DCBLD2: variants seen among roughly 807,000 people sequenced by gnomAD.
DCBLD2 encodes discoidin, CUB and LCCL domain containing 2, also known as discoidin, CUB and LCCL domain-containing protein 2.
Under a neutral mutation model 86.8 loss-of-function variants are expected in DCBLD2, and 54 were observed. The observed-to-expected ratio is 0.62, with a 90% CI of 0.50 to 0.78. The LOEUF is 0.78. DCBLD2 is among the 30% of genes least tolerant of loss of function. The probability of loss-of-function intolerance (pLI) is 0.00; values close to 1 mark genes in which losing one functional copy is unlikely to be tolerated. For missense variants in DCBLD2, 908 were observed against 954.2 expected, an observed-to-expected ratio of 0.95 and a Z score of 0.64; for synonymous variants, 354 against 341.3, an observed-to-expected ratio of 1.04 and a Z score of -0.41.
At chr3:98,834,154 TTTTTTTG>T (rs1249044337) in intron 3 of DCBLD2, among the ~76,000 whole-genome samples, 1 of 151,394 alleles carries the variant, frequency 6.6e-6, no homozygotes, top group African/African-American at 2.4e-5. Flanking sequence ...TTTTTTTTTT[TTTTTTTG>T]TTTTAAATTT....
chr3:98,869,362 T>C (rs1471365762), intron 2 of DCBLD2, among the ~76,000 whole-genome samples: 1 of 152,228 alleles, frequency 6.6e-6, no homozygotes, highest in Non-Finnish European at 1.5e-5. Context: ...GTCAGATGTA[T>C]AGTTTACAAA....
chr3:98,876,412 T>TAAAAAAAAAA (rs60681986), intron 2 of DCBLD2, among the ~76,000 whole-genome samples: 4 of 47,530 alleles, frequency 8.4e-5, no homozygotes, highest in African/African-American at 2.1e-4. Context: ...AGATAAAAAG[T>TAAAAAAAAAA]AAAAAAAAAA....
chr3:98,899,373 T>A (rs1410898435), intron 1 of DCBLD2, among the ~76,000 whole-genome samples: 1 of 150,042 alleles, frequency 6.7e-6, no homozygotes, highest in Non-Finnish European at 1.5e-5. Flanking sequence ...TGCCTCAGCC[T>A]CCTGAGTACC....
At chr3:98,874,166 A>G (rs1029089077) in intron 2 of DCBLD2, among the ~76,000 whole-genome samples, 19 of 152,212 alleles carry the variant, frequency 1.2e-4, no homozygotes, top group Admixed American at 1.2e-3. Flanking sequence ...TTCAAAAACT[A>G]GATTGTTCAA....
rs1478307158 is a variant in DCBLD2, at chr3:98,849,586, C to A, written c.446G>T (p.Gly149Val). Residue 149 changes from glycine to valine, a missense_variant, in exon 3 of 16, where the codon GGT (glycine) becomes GTT (valine). Gly to Val is a moderately radical substitution (Grantham distance 109, BLOSUM62 -3). Coordinates refer to ENST00000326840, the MANE Select transcript of DCBLD2 (RefSeq NM_080927.4). ...VSRTEIGKYCGLGLQMNHSIE... is the reference protein window; with the variant it reads ...VSRTEIGKYCVLGLQMNHSIE... ...TGAATGGTTCATTTGCAACCCCAGA[C>A]CACAGTATTTGCCTAGGAATGAAAG... 2 of 1,611,162 alleles carry A rather than the reference C, an allele frequency of 1.2e-6. No individual in the cohort carries two copies. Among genetic ancestry groups the A allele is most frequent in the Middle Eastern group, 1.7e-4 (1 of 6,048 alleles).
At position 98,881,749 on chromosome 3, in the gene DCBLD2, G is replaced by T. The variant is rs1440032118; in HGVS notation, c.224C>A (p.Thr75Asn). ...GGTTCCACTCTCAGGGCCTAGTACAGTGTGTCCACATCCATCACCTTTAAA... is the reference window on the plus strand; with the variant it reads ...GGTTCCACTCTCAGGGCCTAGTACATTGTGTCCACATCCATCACCTTTAAA... ...GAQQGDGCGHTVLGPESGTLT... is the reference protein window; with the variant it reads ...GAQQGDGCGHNVLGPESGTLT... Residue 75 changes from threonine (T) to asparagine (N), a missense_variant, in exon 2 of 16, where the codon ACT becomes AAT. This residue lies in a region of DCBLD2 where 294 missense variants were observed against 256.0 expected (regional missense o/e 1.15). Transcript: ENST00000326840. 1 of 1,612,704 alleles carries T rather than the reference G, an allele frequency of 6.2e-7. No individual in the cohort carries two copies. Among genetic ancestry groups the T allele is most frequent in the Non-Finnish European group, 8.5e-7 (1 of 1,179,108 alleles).
At chr3:98,870,054 A>G (rs1363421843) in intron 2 of DCBLD2, among the ~76,000 whole-genome samples, 2 of 152,218 alleles carry the variant, frequency 1.3e-5, no homozygotes, top group Non-Finnish European at 2.9e-5. Flanking sequence ...GCCACTGGTG[A>G]GTATTCTCAG....
intron 12 of DCBLD2, among the ~76,000 whole-genome samples, chr3:98,809,304 C>T (rs2107431953): frequency 6.6e-6 from 1 of 150,910 alleles, no homozygotes; most frequent in East Asian, 1.9e-4. Context: ...GGGCTCAGAG[C>T]CGGACACTGC....
chr3:98,814,437 A>G (rs1192016589), intron 9 of DCBLD2: 1 of 152,214 alleles, frequency 6.6e-6, no homozygotes, highest in Non-Finnish European at 1.5e-5. Context: ...TAGTCAACCT[A>G]TGAGCATTTA....
chr3:98,812,214 G>A, intron 10 of DCBLD2, 118 bp downstream of exon 10: 1 of 1,344,986 alleles, frequency 7.4e-7, no homozygotes, highest in Non-Finnish European at 1.0e-6. Flanking sequence ...AGAAGATATT[G>A]TAATTAGAGT....
At chr3:98,808,028 T>C in intron 13 of DCBLD2, 53 bp downstream of exon 13, 1 of 1,331,144 alleles carries the variant, frequency 7.5e-7, no homozygotes, top group Non-Finnish European at 1.0e-6. Context: ...TATATTTAGC[T>C]TCTACTTCAC....
intron 1 of DCBLD2, among the ~76,000 whole-genome samples, chr3:98,893,123 A>T (rs529745124): frequency 1.3e-5 from 2 of 152,302 alleles, no homozygotes; most frequent in East Asian, 3.9e-4. Context: ...GTGGAACGGA[A>T]ACATATAAAA....
At chr3:98,839,001 G>C (rs1432504275) in intron 3 of DCBLD2, among the ~76,000 whole-genome samples, 4 of 141,408 alleles carry the variant, frequency 2.8e-5, no homozygotes, top group Admixed American at 7.1e-5. Context: ...GTCCAGCTTC[G>C]GCTCCGCATG....
Position 98,822,367 on chromosome 3 carries a change from G to T in DCBLD2, c.697-6C>A. On this transcript the variant is annotated splice_region_variant and splice_polypyrimidine_tract_variant and intron_variant, in intron 5 of 15. Transcript: ENST00000326840. ...GCCATGCACAATGGCGAGGACTTAA[G>T]GAAGGGAAAAGAAAAGATTCATTTT... 6.2e-7 allele frequency: 1 copy of T among 1,606,032 alleles called. No individual in the cohort carries two copies. The highest frequency in any genetic ancestry group is 8.5e-7 in the Non-Finnish European group (1 of 1,177,588).
At chr3:98,898,772 T>C (rs553184161) in intron 1 of DCBLD2, among the ~76,000 whole-genome samples, 1 of 152,194 alleles carries the variant, frequency 6.6e-6, no homozygotes, top group Non-Finnish European at 1.5e-5. Context: ...CGGGCTGCTT[T>C]AGGGTCCTTT....
Position 98,801,606 on chromosome 3 carries a change from G to C in DCBLD2, c.1714C>G (p.Arg572Gly), listed in dbSNP as rs775428298. 2 of 1,609,256 alleles carry C rather than the reference G, an allele frequency of 1.2e-6. No individual in the cohort carries two copies. Among genetic ancestry groups the C allele is most frequent in the Non-Finnish European group, 1.7e-6 (2 of 1,177,484 alleles). ...EGTYDLPYWD[R>G]AGWWKGMKQF... ...CAAAGACCACGTGAGTTACCTGCCC[G>C]GTCCCAGTAAGGTAAGTCATAGGTG... Residue 572 changes from arginine to glycine, a missense_variant, in exon 14 of 16, where the codon CGG (arginine) becomes GGG (glycine). By Grantham distance (125) the Arg-to-Gly change is moderately radical. Around this residue, in one of 3 missense-constraint regions of DCBLD2, gnomAD observed 606 missense variants for 678.5 expected, o/e 0.89. Transcript: ENST00000326840.
At position 98,812,433 on chromosome 3, in the gene DCBLD2, A is replaced by G. The variant is rs1374698629; in HGVS notation, c.1262T>C (p.Leu421Ser). The G allele has an allele frequency of 1.9e-6, 3 of 1,613,402 alleles. No homozygotes were observed. The highest frequency in any genetic ancestry group is 2.5e-6 in the Non-Finnish European group (3 of 1,179,648). ...AATAAAACGTGCAATAATTGGTGGCAAAAAGTTATTACGCACATCCTGGTG... is the reference window on the plus strand; with the variant it reads ...AATAAAACGTGCAATAATTGGTGGCGAAAAGTTATTACGCACATCCTGGTG... ...DYHQDVRNNF[L>S]PPIIARFIRV... The change falls in exon 10 of 16, where the codon TTG becomes TCG. Residue 421 changes from leucine to serine, a missense_variant. Leu to Ser is a moderately radical substitution (Grantham distance 145). Around this residue, in one of 3 missense-constraint regions of DCBLD2, gnomAD observed 606 missense variants for 678.5 expected, o/e 0.89. Coordinates refer to ENST00000326840, the MANE Select transcript of DCBLD2 (RefSeq NM_080927.4).
chr3:98,863,634 T>C (rs1021979028), intron 2 of DCBLD2, among the ~76,000 whole-genome samples: 5 of 152,320 alleles, frequency 3.3e-5, no homozygotes, highest in South Asian at 2.1e-4. Flanking sequence ...ATTTAATAAA[T>C]GGTGCTGGGA....
rs747771228 is a variant in DCBLD2 at position 98,819,470 on chromosome 3, T to A, written c.872-53A>T. On this transcript the variant is annotated intron_variant, in intron 7 of 15. Coordinates refer to ENST00000326840, the MANE Select transcript of DCBLD2 (RefSeq NM_080927.4). ...TTTCCAGGTATAATTTCAAAATGCATGTAGACCTGCTCACTGAAAACTTTC... is the reference window on the plus strand; with the variant it reads ...TTTCCAGGTATAATTTCAAAATGCAAGTAGACCTGCTCACTGAAAACTTTC... The A allele has an allele frequency of 1.0e-5, 16 of 1,579,124 alleles. No homozygotes were observed. In the South Asian group the frequency reaches 1.8e-4, roughly 18 times the overall value.
Sources: allele counts gnomAD v4.1 joint callset (sites outside exome capture counted in the v4.1 genomes callset), GRCh38; gene constraint gnomAD v4.1.1; regional missense constraint gnomAD v4.1.1; transcripts MANE v1.5; gene names NCBI Gene and HGNC (gene_info 2026-07-23, HGNC 2026-07-21).